The following DIAPH2 variants were observed in gnomAD, a reference collection of about 807,000 sequenced individuals.
DIAPH2 encodes the protein diaphanous related formin 2.
A neutral mutation model predicts 92.7 loss-of-function variants in DIAPH2; 35 were observed. The observed-to-expected ratio is 0.38, with a 90% confidence interval of 0.29 to 0.50. The LOEUF (loss-of-function observed/expected upper bound fraction) is 0.50. Among genes scored for constraint, DIAPH2 ranks in the 20% least tolerant of loss-of-function variants. The probability of loss-of-function intolerance (pLI) is 0.94; values close to 1 mark genes in which losing one functional copy is unlikely to be tolerated. For missense variants in DIAPH2, 701 were observed against 819.5 expected (o/e 0.86, Z 1.77); for synonymous variants, 301 against 280.4 (o/e 1.07, Z -0.73).
intron 4 of DIAPH2, among the ~76,000 whole-genome samples, chrX:96,874,703 G>A (rs1445025137): frequency 9.0e-6 from 1 of 111,587 alleles, no homozygotes. Flanking sequence ...TTAGTGTTTT[G>A]GGATTAATGT....
chrX:97,217,550 C>T (rs1324621903), intron 22 of DIAPH2, among the ~76,000 whole-genome samples: 1 of 112,217 alleles, frequency 8.9e-6, no homozygotes. Context: ...ACTATTCTGT[C>T]CATGCCCTGA....
chrX:97,149,202 T>C lies in DIAPH2; in HGVS notation c.2719+7408T>C, dbSNP rs2067267489. ...TTTAACTTTTACTTATAGTGACTTA[T>C]AGGACCTAAGATGCAAGAAAGTATT... On this transcript the variant is annotated intron_variant, in intron 22 of 26. Transcript: ENST00000324765. Among the ~76,000 whole-genome samples, 3 of 112,021 alleles carry C rather than the reference T, an allele frequency of 2.7e-5. No individual in the cohort carries two copies. The South Asian group carries it at 1.1e-3, about 42-fold the overall frequency.
At chrX:97,403,576 C>T (rs140152268) in intron 25 of DIAPH2, among the ~76,000 whole-genome samples, 2,760 of 112,134 alleles carry the variant, frequency 0.025, 45 homozygotes, top group Non-Finnish European at 0.039. Flanking sequence ...GTTTACACCA[C>T]ATTCTCTATA....
At chrX:97,129,067 T>C (rs954583616) in intron 21 of DIAPH2, among the ~76,000 whole-genome samples, 8 of 107,178 alleles carry the variant, frequency 7.5e-5, no homozygotes, top group Admixed American at 2.1e-4. Flanking sequence ...TAAGAGAGAC[T>C]GTTTTTCAAA....
intron 23 of DIAPH2, among the ~76,000 whole-genome samples, chrX:97,300,064 C>A (rs2068680882): frequency 8.9e-6 from 1 of 112,141 alleles, no homozygotes; most frequent in South Asian, 3.7e-4. Context: ...AACAAGAATT[C>A]TATTCCCAGT....
chrX:97,582,868 C>T (rs1467689585), intron 26 of DIAPH2, among the ~76,000 whole-genome samples: 15 of 111,215 alleles, frequency 1.3e-4, no homozygotes, highest in South Asian at 3.8e-4. Flanking sequence ...AGGCTTTGCT[C>T]GTTTCTTTTT....
Position 97,235,750 on chromosome X carries a change from T to A in DIAPH2, c.2720-11965T>A, listed in dbSNP as rs751765828. On this transcript the variant is annotated intron_variant, in intron 22 of 26. Coordinates refer to ENST00000324765, the MANE Select transcript of DIAPH2 (RefSeq NM_006729.5). ...CCTACCTCTCAAACTTCATCTCAAATTTTTTTTTAAAATCCATTATTTTGT... is the reference window on the plus strand; with the variant it reads ...CCTACCTCTCAAACTTCATCTCAAAATTTTTTTTAAAATCCATTATTTTGT... 1.0e-4 allele frequency among the ~76,000 whole-genome samples: 11 copies of A among 110,077 alleles called. No homozygotes were observed. The East Asian group carries it at 2.0e-3, about 20-fold the overall frequency.
chrX:97,235,278 T>C (rs1009765950), intron 22 of DIAPH2, among the ~76,000 whole-genome samples: 1 of 111,907 alleles, frequency 8.9e-6, no homozygotes, highest in Non-Finnish European at 1.9e-5. Flanking sequence ...AACCCAGATA[T>C]TTATTTGGGT....
At chrX:97,239,603 A>G (rs2068075261) in intron 22 of DIAPH2, among the ~76,000 whole-genome samples, 1 of 111,794 alleles carries the variant, frequency 8.9e-6, no homozygotes, top group African/African-American at 3.2e-5. Context: ...GTGCTACCAG[A>G]CTGACTAATC....
chrX:96,776,166 AT>A (rs937058805), intron 4 of DIAPH2, among the ~76,000 whole-genome samples: 21 of 111,624 alleles, frequency 1.9e-4, no homozygotes, highest in Non-Finnish European at 3.4e-4. Flanking sequence ...AAATATTTGC[AT>A]TTTAAGCTGC....
intron 23 of DIAPH2, among the ~76,000 whole-genome samples, chrX:97,300,720 C>G (rs1287987582): frequency 1.1e-5 from 1 of 92,830 alleles, no homozygotes; most frequent in Non-Finnish European, 2.2e-5. Flanking sequence ...ATCACAAGGT[C>G]AGGAGATTGA....
At position 96,887,960 on chromosome X, in the gene DIAPH2, C is replaced by CGTGTGTGTATGTGT. The variant is rs766412979; in HGVS notation, c.587+6271_587+6284dup. ...GTAGGAGTTGTGTGTATGTGTTGTG[C>CGTGTGTGTATGTGT]GTGTGTGTATGTGTGTGTGTGTATG... On this transcript the variant is annotated intron_variant, in intron 5 of 26. Transcript: ENST00000324765. 5.5e-5 allele frequency among the ~76,000 whole-genome samples: 6 copies of CGTGTGTGTATGTGT among 108,852 alleles called. No individual in the cohort carries two copies. In the South Asian group the frequency reaches 1.6e-3, roughly 29 times the overall value. The allele number at this position is 108,852 out of a possible 115,157, so 94.5% of individuals were successfully genotyped here. A position where few individuals can be genotyped will look rare whatever the true frequency, so the allele number is the denominator to read the frequency against.
intron 26 of DIAPH2, among the ~76,000 whole-genome samples, chrX:97,591,060 G>T (rs2071513612): frequency 9.0e-6 from 1 of 111,564 alleles, no homozygotes; most frequent in Non-Finnish European, 1.9e-5. Flanking sequence ...TACATTCATT[G>T]CTTTTCATAC....
intron 17 of DIAPH2, among the ~76,000 whole-genome samples, chrX:97,052,404 G>C (rs760812180): frequency 9.2e-4 from 102 of 111,047 alleles, no homozygotes; most frequent in African/African-American, 2.9e-3. Flanking sequence ...GGAGATGGGG[G>C]AAGCAGGGGT....
chrX:97,570,875 T>C (rs2071365770), intron 26 of DIAPH2, among the ~76,000 whole-genome samples: 1 of 111,897 alleles, frequency 8.9e-6, no homozygotes, highest in African/African-American at 3.2e-5. Flanking sequence ...TAGATCAAAA[T>C]GCAAGGACAG....
intron 23 of DIAPH2, among the ~76,000 whole-genome samples, chrX:97,316,233 G>A (rs2068838451): frequency 9.0e-6 from 1 of 110,813 alleles, no homozygotes; most frequent in African/African-American, 3.3e-5. Flanking sequence ...TAAATATGCC[G>A]TGAAGACATT....
At chrX:97,021,456 C>G (rs1447003718) in intron 17 of DIAPH2, among the ~76,000 whole-genome samples, 1 of 111,666 alleles carries the variant, frequency 9.0e-6, no homozygotes, top group Non-Finnish European at 1.9e-5. Flanking sequence ...CCTTGGCTTC[C>G]CAAAGTGCTG....
At chrX:97,052,863 A>G (rs1015943167) in intron 17 of DIAPH2, among the ~76,000 whole-genome samples, 2 of 111,220 alleles carry the variant, frequency 1.8e-5, no homozygotes, top group African/African-American at 6.5e-5. Context: ...CTGGGTTGCA[A>G]AACCAACCTA....
At chrX:97,213,147 T>C (rs2067854919) in intron 22 of DIAPH2, among the ~76,000 whole-genome samples, 1 of 111,739 alleles carries the variant, frequency 8.9e-6, no homozygotes. Context: ...GGAATTGCAC[T>C]TGTTTTTGTT....
Sources: gnomAD v4.1 joint callset for allele counts (sites outside exome capture counted in the v4.1 genomes callset) on GRCh38, gnomAD v4.1.1 for gene constraint, MANE v1.5 for transcripts, NCBI Gene and HGNC (gene_info 2026-07-23, HGNC 2026-07-21) for gene names.